The following RBFOX3 variants were observed in gnomAD, a reference collection of about 807,000 sequenced individuals.
RBFOX3 encodes the protein RNA binding fox-1 homolog 3, also known as RNA binding protein fox-1 homolog 3.
In RBFOX3, 17 loss-of-function variants were observed where a neutral mutation model predicts 48.7. The ratio of observed to expected loss-of-function variants is 0.35; its 90% CI spans 0.24 to 0.52. RBFOX3 has a LOEUF of 0.52. Among genes scored for constraint, RBFOX3 ranks in the 20% least tolerant of loss-of-function variants. The pLI is 0.94. For synonymous variants in RBFOX3, 212 were observed against 209.5 expected (o/e 1.01, Z -0.10); for missense variants, 382 against 497.5 (o/e 0.77, Z 2.21).
At chr17:79,577,734 C>G (rs1411051942) in intron 1 of RBFOX3, among the ~76,000 whole-genome samples, 1 of 152,214 alleles carries the variant, frequency 6.6e-6, no homozygotes, top group African/African-American at 2.4e-5. Flanking sequence ...GGTTGTCAAC[C>G]CACCTCCTCC....
rs1351854840 is a variant in RBFOX3 at position 79,097,345 on chromosome 17, C to T, written c.702G>A (p.Val234=). ...GTGGCGCAGCCCGAAATGTATTATA[C>T]ACGGCCCGGCCCCGGCCCCGAAGAT... ...GAHLRGRGRA[V]YNTFRAAPPP... The change falls in exon 11 of 15, where the codon GTG becomes GTA. Residue 234 remains valine, a synonymous_variant. Coordinates refer to ENST00000693108, the MANE Select transcript of RBFOX3 (RefSeq NM_001350451.2). 1.9e-6 allele frequency: 3 copies of T among 1,548,884 alleles called. No homozygotes were observed. Among genetic ancestry groups the T allele is most frequent in the African/African-American group, 2.7e-5 (2 of 72,978 alleles).
chr17:79,340,112 A>G (rs1461507207), intron 2 of RBFOX3, among the ~76,000 whole-genome samples: 1 of 152,130 alleles, frequency 6.6e-6, no homozygotes, highest in East Asian at 1.9e-4. Context: ...CAGCCTGACG[A>G]ACATGGTGAA....
chr17:79,394,456 T>C lies in RBFOX3; in HGVS notation c.-174-86632A>G, dbSNP rs79982208. Reference sequence around the variant, plus strand: ...CCCCTGGAAAACAGTCTGGCTTCTATGTCCACCCTAGGCCGGCACCCTAGT... The same window carrying C: ...CCCCTGGAAAACAGTCTGGCTTCTACGTCCACCCTAGGCCGGCACCCTAGT... On this transcript the variant is annotated intron_variant, in intron 2 of 14. Coordinates refer to ENST00000693108, the MANE Select transcript of RBFOX3 (RefSeq NM_001350451.2). Among the ~76,000 whole-genome samples, 536 of 152,260 alleles carry C rather than the reference T, an allele frequency of 3.5e-3. 5 individuals are homozygous for C. Among genetic ancestry groups the C allele is most frequent in the African/African-American group, 0.012 (513 of 41,546 alleles).
rs9674641 is a variant in RBFOX3 at position 79,477,228 on chromosome 17, G to A, written c.-175+5226C>T. Among the ~76,000 whole-genome samples, 2,168 of 128,506 alleles carry A rather than the reference G, an allele frequency of 0.017. 58 individuals carry two copies. The highest frequency in any genetic ancestry group is 0.061 in the African/African-American group (2,043 of 33,582). 84.3% of individuals were successfully genotyped at this position (128,506 alleles called of 152,430 possible). ...AGCCTGGGTGAAAGAGCAAGGCTCCGTTTCAAAAAAAAATAAATAAAGATA... is the reference window on the plus strand; with the variant it reads ...AGCCTGGGTGAAAGAGCAAGGCTCCATTTCAAAAAAAAATAAATAAAGATA... On this transcript the variant is annotated intron_variant, in intron 2 of 14. Transcript: ENST00000693108. The surrounding 1 kb of genome is among the most constrained non-coding windows in gnomAD (Gnocchi z 4.8).
At chr17:79,402,461 G>A (rs895761247) in intron 2 of RBFOX3, among the ~76,000 whole-genome samples, 8 of 152,302 alleles carry the variant, frequency 5.3e-5, no homozygotes, top group Middle Eastern at 3.4e-3. Context: ...TAAATGGAGC[G>A]GGGAGTTTGT....
intron 2 of RBFOX3, among the ~76,000 whole-genome samples, chr17:79,346,697 A>T (rs1441976630): frequency 6.6e-6 from 1 of 152,226 alleles, no homozygotes; most frequent in African/African-American, 2.4e-5. Flanking sequence ...CATTTTAATG[A>T]TATAAAAACT....
intron 1 of RBFOX3, among the ~76,000 whole-genome samples, chr17:79,483,945 G>C (rs1258329981): frequency 2.0e-5 from 3 of 152,024 alleles, no homozygotes; most frequent in Non-Finnish European, 4.4e-5. Flanking sequence ...GCAGGGGGTA[G>C]ACCCAAGCCT....
chr17:79,247,916 G>T (rs1432273945), intron 3 of RBFOX3, among the ~76,000 whole-genome samples: 1 of 152,244 alleles, frequency 6.6e-6, no homozygotes, highest in Non-Finnish European at 1.5e-5. Flanking sequence ...TAGGTATAGG[G>T]ATGAAAGGCA....
chr17:79,148,707 G>A (rs941771354), intron 4 of RBFOX3, among the ~76,000 whole-genome samples: 2 of 152,232 alleles, frequency 1.3e-5, no homozygotes, highest in African/African-American at 4.8e-5. Context: ...GAAGTGATGA[G>A]AGTTGGGCGA....
chr17:79,183,474 C>T (rs1010372298), intron 4 of RBFOX3: 1 of 152,088 alleles, frequency 6.6e-6, no homozygotes. Flanking sequence ...TCCTCCTCCT[C>T]CTCTGGGCCT....
chr17:79,446,838 G>T (rs782551886), intron 2 of RBFOX3, among the ~76,000 whole-genome samples: 2 of 138,522 alleles, frequency 1.4e-5, no homozygotes, highest in Admixed American at 1.5e-4. Flanking sequence ...GGCAGTCACG[G>T]AGCTGCCACG....
intron 6 of RBFOX3, among the ~76,000 whole-genome samples, chr17:79,104,363 C>T (rs1437892906): frequency 6.6e-6 from 1 of 152,082 alleles, no homozygotes; most frequent in Non-Finnish European, 1.5e-5. Flanking sequence ...CCAAGAGGGT[C>T]CTTGGTGTGG....
At chr17:79,307,911 CTT>C (rs1241506592) in intron 2 of RBFOX3, 87 bp from the exon 3 acceptor site, 1 of 153,678 alleles carries the variant, frequency 6.5e-6, no homozygotes, top group Admixed American at 6.5e-5. Flanking sequence ...CTCCCGCACT[CTT>C]GATTGAAAAT....
At chr17:79,234,863 TG>T (rs922710831) in intron 4 of RBFOX3, 2 of 151,074 alleles carry the variant, frequency 1.3e-5, no homozygotes, top group Non-Finnish European at 2.9e-5. Flanking sequence ...TACCAGTAGC[TG>T]GGACTACAGG....
chr17:79,094,500 G>T lies in RBFOX3; in HGVS notation c.1028C>A (p.Pro343Gln). The change falls in exon 14 of 15, where the codon CCG becomes CAG. Residue 343 changes from proline to glutamine, a missense_variant. Around this residue, in one of 3 missense-constraint regions of RBFOX3, gnomAD observed 215 missense variants for 254.8 expected, o/e 0.84. Coordinates refer to ENST00000693108, the MANE Select transcript of RBFOX3 (RefSeq NM_001350451.2). ...CGCGGGCCCGATGGTGTGATGGTAC[G>T]GGTCGGCAGCTGCGTAGACTCTGCC... is the stretch of plus-strand genomic sequence containing the variant. ...SYGRVYAAAD[P>Q]YHHTIGPAAT... The T allele has an allele frequency of 6.8e-7, 1 of 1,462,822 alleles. No individual in the cohort carries two copies. The highest frequency in any genetic ancestry group is 9.0e-7 in the Non-Finnish European group (1 of 1,107,386). 90.6% of individuals were successfully genotyped at this position (1,462,822 alleles called of 1,614,324 possible).
At chr17:79,497,502 A>G (rs1299740663) in intron 1 of RBFOX3, among the ~76,000 whole-genome samples, 3 of 152,170 alleles carry the variant, frequency 2.0e-5, no homozygotes, top group Non-Finnish European at 2.9e-5. Context: ...ACGTAGTACT[A>G]GGAGACCTGC....
chr17:79,149,383 G>A (rs963730608), intron 4 of RBFOX3, among the ~76,000 whole-genome samples: 2 of 152,176 alleles, frequency 1.3e-5, no homozygotes, highest in African/African-American at 2.4e-5. Flanking sequence ...CTTGGCTCAG[G>A]CCCAGCCCCG....
At chr17:79,294,460 G>A (rs1243166992) in intron 3 of RBFOX3, among the ~76,000 whole-genome samples, 1 of 152,118 alleles carries the variant, frequency 6.6e-6, no homozygotes, top group Non-Finnish European at 1.5e-5. Context: ...TCAGGCGCCT[G>A]CCACCACGCC....
At chr17:79,578,297 C>T (rs922884006) in intron 1 of RBFOX3, among the ~76,000 whole-genome samples, 3 of 152,264 alleles carry the variant, frequency 2.0e-5, no homozygotes, top group Non-Finnish European at 4.4e-5. Flanking sequence ...CAATACCTTT[C>T]CCCAAACAGC....
Sources: allele counts gnomAD v4.1 joint callset (sites outside exome capture counted in the v4.1 genomes callset), GRCh38; gene constraint gnomAD v4.1.1; regional missense constraint gnomAD v4.1.1; non-coding constraint Gnocchi (gnomAD v3.1); transcripts MANE v1.5; gene names NCBI Gene and HGNC (gene_info 2026-07-23, HGNC 2026-07-21).